LDLRAD4: variants seen among roughly 807,000 people sequenced by gnomAD.
The protein encoded by LDLRAD4 is low density lipoprotein receptor class A domain containing 4.
A neutral mutation model predicts 17.0 loss-of-function variants in LDLRAD4; 5 were observed. That is an observed-to-expected ratio of 0.29 (90% CI 0.15 to 0.62). The LOEUF (loss-of-function observed/expected upper bound fraction) is 0.62. Among genes scored for constraint, LDLRAD4 ranks in the 20% least tolerant of loss-of-function variants. LDLRAD4 has a pLI of 0.84. For missense variants in LDLRAD4, 340 were observed against 424.7 expected, an observed-to-expected ratio of 0.80 and a Z score of 1.75; for synonymous variants, 168 against 171.8, an observed-to-expected ratio of 0.98 and a Z score of 0.17.
At chr18:13,642,461 T>C (rs2042660327) in intron 4 of LDLRAD4, 1 of 1,196,732 alleles carries the variant, frequency 8.4e-7, no homozygotes, top group Non-Finnish European at 1.0e-6. Context: ...GGCTGGCCTG[T>C]CACCTTGTCA....
chr18:13,265,391 G>C (rs933084298), intron 1 of LDLRAD4, among the ~76,000 whole-genome samples: 4 of 152,136 alleles, frequency 2.6e-5, no homozygotes, highest in African/African-American at 9.7e-5. Context: ...ATTTCACTCA[G>C]TTCCTCCGGG....
chr18:13,544,579 T>C (rs949482145), intron 3 of LDLRAD4, among the ~76,000 whole-genome samples: 3 of 152,178 alleles, frequency 2.0e-5, no homozygotes, highest in African/African-American at 7.2e-5. Flanking sequence ...GCAGCCTGCA[T>C]GGTGGATGGG....
chr18:13,320,937 G>A (rs2081182484), intron 1 of LDLRAD4, among the ~76,000 whole-genome samples: 1 of 152,180 alleles, frequency 6.6e-6, no homozygotes, highest in Non-Finnish European at 1.5e-5. Context: ...GACATAACAA[G>A]CCACGCCTGT....
intron 2 of LDLRAD4, among the ~76,000 whole-genome samples, chr18:13,400,077 C>T (rs1322321001): frequency 1.3e-5 from 2 of 152,172 alleles, no homozygotes; most frequent in South Asian, 2.1e-4. Flanking sequence ...AGCCAGTCGG[C>T]GTTAGCGGTT....
chr18:13,381,113 T>C (rs927574816), intron 1 of LDLRAD4, among the ~76,000 whole-genome samples: 1 of 150,512 alleles, frequency 6.6e-6, no homozygotes, highest in Non-Finnish European at 1.5e-5. Flanking sequence ...GGTCTTGCTA[T>C]GTTGCCCAGG....
intron 3 of LDLRAD4, among the ~76,000 whole-genome samples, chr18:13,583,525 A>AC (rs2094894555): frequency 2.0e-5 from 3 of 152,218 alleles, no homozygotes; most frequent in African/African-American, 7.2e-5. Flanking sequence ...AATAAGTGTT[A>AC]TTAGAGTTCC....
intron 2 of LDLRAD4, among the ~76,000 whole-genome samples, chr18:13,424,334 C>T (rs2089747430): frequency 6.6e-6 from 1 of 152,164 alleles, no homozygotes; most frequent in Admixed American, 6.5e-5. Flanking sequence ...TGTCCATCTT[C>T]TTCTTTAGCT....
chr18:13,598,031 G>A (rs2095116543), intron 3 of LDLRAD4, among the ~76,000 whole-genome samples: 1 of 152,132 alleles, frequency 6.6e-6, no homozygotes, highest in Admixed American at 6.5e-5. Context: ...CCCTCCCACA[G>A]GTAGTTTCTA....
chr18:13,533,613 G>A (rs8088157), intron 3 of LDLRAD4, among the ~76,000 whole-genome samples: 149,163 of 152,308 alleles, frequency 0.98, 73,138 homozygotes, highest in Non-Finnish European at 1. Flanking sequence ...TACCATGGAT[G>A]TTTTGGAAGT....
intron 1 of LDLRAD4, among the ~76,000 whole-genome samples, chr18:13,348,004 GC>G: frequency 6.6e-6 from 1 of 152,086 alleles, no homozygotes; most frequent in East Asian, 1.9e-4. Context: ...TAACTTCTTT[GC>G]CACGGGTTCG....
chr18:13,316,120 A>C (rs2080919932), intron 1 of LDLRAD4, among the ~76,000 whole-genome samples: 1 of 152,190 alleles, frequency 6.6e-6, no homozygotes, highest in Non-Finnish European at 1.5e-5. Flanking sequence ...TCAGACATGA[A>C]GCCATAAATT....
At chr18:13,368,583 G>A (rs984083120) in intron 1 of LDLRAD4, among the ~76,000 whole-genome samples, 1 of 152,152 alleles carries the variant, frequency 6.6e-6, no homozygotes, top group South Asian at 2.1e-4. Context: ...TCCCCTGGGG[G>A]TGAGCCTGCT....
chr18:13,647,136 T>C (rs1316725300), exon 6 of LDLRAD4: 2 of 150,676 alleles, frequency 1.3e-5, no homozygotes, highest in African/African-American at 4.9e-5. Flanking sequence ...CAGAGAACAG[T>C]GGAGGGGGCA....
At chr18:13,272,958 G>T (rs2044650583) in intron 1 of LDLRAD4, among the ~76,000 whole-genome samples, 1 of 152,238 alleles carries the variant, frequency 6.6e-6, no homozygotes, top group South Asian at 2.1e-4. Flanking sequence ...CTGTGAGAGA[G>T]AGAGAAGCTA....
chr18:13,423,181 A>G (rs954626658), intron 2 of LDLRAD4, among the ~76,000 whole-genome samples: 7 of 152,140 alleles, frequency 4.6e-5, no homozygotes, highest in African/African-American at 1.7e-4. Flanking sequence ...TTCTAATTTT[A>G]AGACTAAAGA....
chr18:13,384,377 A>T (rs1442964102), intron 1 of LDLRAD4, among the ~76,000 whole-genome samples: 2 of 152,248 alleles, frequency 1.3e-5, no homozygotes, highest in East Asian at 3.8e-4. Flanking sequence ...AAATGAATTA[A>T]TATATCCATC....
At chr18:13,387,904 C>T in intron 2 of LDLRAD4, 142 bp downstream of exon 3, 1 of 678,472 alleles carries the variant, frequency 1.5e-6, no homozygotes, top group South Asian at 1.7e-5. Context: ...GCTGTGGTGA[C>T]TGATTCTGAC....
intron 3 of LDLRAD4, among the ~76,000 whole-genome samples, chr18:13,619,316 G>T (rs1320284765): frequency 5.9e-4 from 90 of 152,158 alleles, no homozygotes; most frequent in Non-Finnish European, 1.0e-4. Context: ...GTGTTCCTAG[G>T]TAAACAAGCG....
chr18:13,237,470 G>A (rs1413229968), intron 1 of LDLRAD4, among the ~76,000 whole-genome samples: 3 of 152,204 alleles, frequency 2.0e-5, no homozygotes, highest in East Asian at 3.8e-4. Flanking sequence ...CTGCCGGGTG[G>A]CTGATTTGTT....
Sources: allele counts gnomAD v4.1 joint callset (sites outside exome capture counted in the v4.1 genomes callset), GRCh38; gene constraint gnomAD v4.1.1; transcripts MANE v1.5; gene names NCBI Gene and HGNC (gene_info 2026-07-23, HGNC 2026-07-21).